Variants in KALRN observed in about 807,000 individuals in gnomAD.
KALRN encodes kalirin RhoGEF kinase, also known as kalirin.
A neutral mutation model predicts 353.7 loss-of-function variants in KALRN; 70 were observed. The ratio of observed to expected loss-of-function variants is 0.20; its 90% CI spans 0.16 to 0.24. The LOEUF (loss-of-function observed/expected upper bound fraction) is 0.24, where lower values mean the gene tolerates loss of function less well. Ranked by LOEUF, KALRN falls within the 10% of genes least tolerant of loss-of-function variation. The pLI, the probability that KALRN is intolerant of heterozygous loss-of-function variation, is 1.00. For missense variants in KALRN, 2,791 were observed against 3,756.7 expected (o/e 0.74, Z 6.72); for synonymous variants, 1,391 against 1,434.8 (o/e 0.97, Z 0.69).
intron 1 of KALRN, among the ~76,000 whole-genome samples, chr3:124,039,991 G>A (rs898172168): frequency 2.0e-5 from 3 of 152,054 alleles, no homozygotes; most frequent in Non-Finnish European, 4.4e-5. Context: ...TATTTTTATA[G>A]GCTATTTCTA....
At chr3:124,138,478 C>T (rs1435387855) in intron 1 of KALRN, among the ~76,000 whole-genome samples, 1 of 152,178 alleles carries the variant, frequency 6.6e-6, no homozygotes, top group Non-Finnish European at 1.5e-5. Flanking sequence ...ATGCTTCACA[C>T]TCAATGGGCA....
intron 25 of KALRN, among the ~76,000 whole-genome samples, chr3:124,467,543 G>C (rs2060462893): frequency 6.6e-6 from 1 of 152,206 alleles, no homozygotes; most frequent in Non-Finnish European, 1.5e-5. Flanking sequence ...GGCAGGGATG[G>C]CTTCCTTGAT....
At position 124,666,509 on chromosome 3, in the gene KALRN, G is replaced by A; in HGVS notation, c.6406G>A (p.Asp2136Asn). The change falls in exon 46 of 60, where the codon GAT (aspartate) becomes AAT (asparagine). Residue 2136 changes from aspartate (D) to asparagine (N), a missense_variant. Asp to Asn is a conservative substitution (Grantham distance 23). Coordinates refer to ENST00000682506, the MANE Select transcript of KALRN (RefSeq NM_001388419.1). ...GGACACATTCTATGTGATCGAGCTG[G>A]ATGCAGGCATGCAGTCCCGGACCAA... ...QQDTFYVIEL[D>N]AGMQSRTKER... The A allele has an allele frequency of 6.2e-7, 1 of 1,614,030 alleles. No individual in the cohort carries two copies. The highest frequency in any genetic ancestry group is 1.7e-4 in the Middle Eastern group (1 of 6,058).
chr3:124,168,141 C>T (rs1156492572), intron 1 of KALRN, among the ~76,000 whole-genome samples: 1 of 152,200 alleles, frequency 6.6e-6, no homozygotes, highest in Non-Finnish European at 1.5e-5. Flanking sequence ...GCAGGGAGTT[C>T]CTGTCTGCCT....
Position 124,658,481 on chromosome 3 carries a change from A to T in KALRN, c.6087A>T (p.Ser2029=). 1 of 1,614,192 alleles carries T rather than the reference A, an allele frequency of 6.2e-7. No individual in the cohort carries two copies. Among genetic ancestry groups the T allele is most frequent in the East Asian group, 2.2e-5 (1 of 44,882 alleles). The change falls in exon 42 of 60, where the codon TCA becomes TCT. Residue 2029 remains serine, a synonymous_variant. Transcript: ENST00000682506. Reference sequence around the variant, plus strand: ...GGTATTGTCAGAATAAGCCGCGCTCAGAGTACATCGTTGCTGAGTATGACG... The same window carrying T: ...GGTATTGTCAGAATAAGCCGCGCTCTGAGTACATCGTTGCTGAGTATGACG... ...YVWYCQNKPR[S]EYIVAEYDAY...
chr3:124,296,330 T>A (rs757849509), intron 5 of KALRN, among the ~76,000 whole-genome samples: 2 of 152,160 alleles, frequency 1.3e-5, no homozygotes, highest in East Asian at 1.9e-4. Context: ...TACTTTTTAT[T>A]ACCAGGACTC....
chr3:124,107,097 G>A (rs2062382927), intron 1 of KALRN, among the ~76,000 whole-genome samples: 1 of 152,176 alleles, frequency 6.6e-6, no homozygotes, highest in Non-Finnish European at 1.5e-5. Flanking sequence ...ACCCAGGATA[G>A]GAGGAATAAT....
intron 1 of KALRN, among the ~76,000 whole-genome samples, chr3:124,088,907 G>T (rs1362554149): frequency 1.3e-5 from 2 of 151,982 alleles, no homozygotes; most frequent in African/African-American, 2.4e-5. Flanking sequence ...ATTCAAATTG[G>T]CTAGTGTGCA....
At chr3:124,181,774 G>C (rs1482045281) in intron 1 of KALRN, among the ~76,000 whole-genome samples, 1 of 152,198 alleles carries the variant, frequency 6.6e-6, no homozygotes, top group Non-Finnish European at 1.5e-5. Flanking sequence ...AACACTGTTT[G>C]TAGTGGAAAG....
chr3:124,665,470 A>G (rs2085495264), intron 45 of KALRN, among the ~76,000 whole-genome samples: 1 of 151,896 alleles, frequency 6.6e-6, no homozygotes, highest in African/African-American at 2.4e-5. Context: ...TTATTCATGT[A>G]TTTATTTATT....
At chr3:124,696,041 C>A in intron 53 of KALRN, 93 bp from the exon 54 acceptor site, 1 of 1,378,082 alleles carries the variant, frequency 7.3e-7, no homozygotes. Context: ...GGACTCTCAG[C>A]TCAGCACACC....
At chr3:124,399,541 C>A (rs2090596722) in intron 13 of KALRN, among the ~76,000 whole-genome samples, 2 of 152,188 alleles carry the variant, frequency 1.3e-5, no homozygotes, top group South Asian at 4.1e-4. Context: ...CATTGAATTT[C>A]ACAGCTTTAT....
In KALRN at chr3:124,370,319, C is replaced by CA. The variant is rs747352669; in HGVS notation, c.1771-14516dup. 7.0e-4 allele frequency among the ~76,000 whole-genome samples: 104 copies of CA among 148,494 alleles called. 1 individual carries two copies. Among genetic ancestry groups the CA allele is most frequent in the Middle Eastern group, 6.9e-3 (2 of 288 alleles). ...TCTAATGATTTCCCATCAAAATTCT[C>CA]AAAAAAAAAATAACCGTATTTAGCT... is the stretch of plus-strand genomic sequence containing the variant. On this transcript the variant is annotated intron_variant, in intron 10 of 59. Transcript: ENST00000682506.
At chr3:124,500,215 G>A (rs2064350848) in intron 33 of KALRN, among the ~76,000 whole-genome samples, 1 of 152,088 alleles carries the variant, frequency 6.6e-6, no homozygotes, top group Admixed American at 6.5e-5. Flanking sequence ...CCTGAGTGTA[G>A]GACTACTTTA....
intron 33 of KALRN, among the ~76,000 whole-genome samples, chr3:124,513,044 A>G (rs1241445500): frequency 6.6e-6 from 1 of 152,172 alleles, no homozygotes; most frequent in Non-Finnish European, 1.5e-5. Flanking sequence ...TTGGGATTCA[A>G]GAAGGCAGTC....
At chr3:124,708,075 A>T (rs185844045) in intron 57 of KALRN, among the ~76,000 whole-genome samples, 3 of 152,274 alleles carry the variant, frequency 2.0e-5, no homozygotes, top group African/African-American at 7.2e-5. Flanking sequence ...CAATAGAACC[A>T]CCTCCCACAG....
intron 37 of KALRN, among the ~76,000 whole-genome samples, chr3:124,639,028 T>C (rs2081702275): frequency 6.6e-6 from 1 of 152,360 alleles, no homozygotes; most frequent in South Asian, 2.1e-4. Context: ...GATATTTTTG[T>C]AGCCTGTTCT....
At chr3:124,290,968 A>G (rs984858627) in intron 5 of KALRN, among the ~76,000 whole-genome samples, 1 of 152,226 alleles carries the variant, frequency 6.6e-6, no homozygotes, top group African/African-American at 2.4e-5. Context: ...CTAAAATATG[A>G]GCACAACACC....
At chr3:124,174,508 G>T (rs2072379491) in intron 1 of KALRN, among the ~76,000 whole-genome samples, 1 of 152,200 alleles carries the variant, frequency 6.6e-6, no homozygotes, top group African/African-American at 2.4e-5. Flanking sequence ...TCTGCCCTCA[G>T]GTTTGGGCCT....
Sources: gnomAD v4.1 joint callset for allele counts (sites outside exome capture counted in the v4.1 genomes callset) on GRCh38, gnomAD v4.1.1 for gene constraint, MANE v1.5 for transcripts, NCBI Gene and HGNC (gene_info 2026-07-23, HGNC 2026-07-21) for gene names.